PRKG1: variants seen among roughly 807,000 people sequenced by gnomAD.
PRKG1 encodes cGMP-dependent protein kinase 1.
PRKG1 carries 35 observed loss-of-function variants against 88.1 expected under a neutral mutation model. The ratio of observed to expected loss-of-function variants is 0.40; its 90% CI spans 0.30 to 0.53. PRKG1 has a LOEUF of 0.53. Among genes scored for constraint, PRKG1 ranks in the 20% least tolerant of loss-of-function variants. The pLI, the probability that PRKG1 is intolerant of heterozygous loss-of-function variation, is 0.59. For missense variants in PRKG1, 540 were observed against 839.8 expected (o/e 0.64, Z 4.41); for synonymous variants, 303 against 292.5 (o/e 1.04, Z -0.37).
At chr10:51,430,848 A>G (rs558491001) in intron 2 of PRKG1, among the ~76,000 whole-genome samples, 18 of 152,314 alleles carry the variant, frequency 1.2e-4, no homozygotes, top group African/African-American at 4.3e-4. Context: ...AAAAGATTAC[A>G]TATTATATAA....
chr10:51,092,123 C>A (rs181080662), intron 1 of PRKG1, among the ~76,000 whole-genome samples: 3 of 152,170 alleles, frequency 2.0e-5, no homozygotes, highest in Middle Eastern at 6.8e-3. Context: ...AAGCACTGAT[C>A]CCTGAGGTGA....
chr10:52,071,495 C>T (rs772709216), intron 7 of PRKG1, among the ~76,000 whole-genome samples: 1 of 152,140 alleles, frequency 6.6e-6, no homozygotes, highest in Non-Finnish European at 1.5e-5. Context: ...TACATTGTTT[C>T]TTATATCATC....
intron 4 of PRKG1, among the ~76,000 whole-genome samples, chr10:51,881,864 C>G (rs1841446958): frequency 1.3e-5 from 2 of 152,146 alleles, no homozygotes; most frequent in Admixed American, 1.3e-4. Context: ...TGATACTCTT[C>G]TTAAGTTAGA....
chr10:51,489,556 A>T (rs1177351073), intron 3 of PRKG1, among the ~76,000 whole-genome samples: 3 of 152,210 alleles, frequency 2.0e-5, no homozygotes, highest in Non-Finnish European at 2.9e-5. Flanking sequence ...TCTGATCCAC[A>T]CTAAAGTTGG....
intron 7 of PRKG1, among the ~76,000 whole-genome samples, chr10:52,126,701 G>T (rs1847939138): frequency 6.6e-6 from 1 of 152,096 alleles, no homozygotes; most frequent in Non-Finnish European, 1.5e-5. Context: ...AAATGCTACT[G>T]AAGGATAATG....
chr10:51,720,045 G>T (rs1415058021), intron 3 of PRKG1, among the ~76,000 whole-genome samples: 1 of 152,162 alleles, frequency 6.6e-6, no homozygotes, highest in Admixed American at 6.5e-5. Context: ...TTTGGGGATT[G>T]GCTGAATGGA....
chr10:51,934,254 ACC>A (rs58734959), intron 5 of PRKG1, among the ~76,000 whole-genome samples: 7 of 143,920 alleles, frequency 4.9e-5, no homozygotes, highest in Admixed American at 2.1e-4. Context: ...ACACACACAT[ACC>A]CCCCCCCCAA....
At chr10:51,988,304 C>A (rs930843683) in intron 5 of PRKG1, among the ~76,000 whole-genome samples, 2 of 152,000 alleles carry the variant, frequency 1.3e-5, no homozygotes, top group African/African-American at 4.8e-5. Context: ...TAACTTGATG[C>A]AACACATTAG....
At chr10:51,649,109 G>A (rs983879805) in intron 3 of PRKG1, among the ~76,000 whole-genome samples, 2 of 152,110 alleles carry the variant, frequency 1.3e-5, no homozygotes, top group Admixed American at 6.6e-5. Flanking sequence ...TCAGTTCTGC[G>A]TTTTTGGCGC....
intron 5 of PRKG1, among the ~76,000 whole-genome samples, chr10:52,050,270 T>C (rs546580423): frequency 6.6e-6 from 1 of 152,188 alleles, no homozygotes; most frequent in East Asian, 1.9e-4. Flanking sequence ...TTGGATACTA[T>C]GGCATTGAGC....
intron 2 of PRKG1, among the ~76,000 whole-genome samples, chr10:51,162,607 T>A (rs1050806037): frequency 6.6e-6 from 1 of 152,212 alleles, no homozygotes; most frequent in Non-Finnish European, 1.5e-5. Flanking sequence ...TAGAATCTTT[T>A]ATTTGTCTAA....
chr10:52,073,961 A>T (rs1387898113), intron 7 of PRKG1, among the ~76,000 whole-genome samples: 1 of 152,176 alleles, frequency 6.6e-6, no homozygotes, highest in Non-Finnish European at 1.5e-5. Flanking sequence ...TAATAAACAA[A>T]ATTTGAATCC....
chr10:51,735,185 T>C (rs1389806773), intron 3 of PRKG1, among the ~76,000 whole-genome samples: 1 of 152,222 alleles, frequency 6.6e-6, no homozygotes, highest in Admixed American at 6.5e-5. Context: ...TAGCTATCTT[T>C]ATGTATTGTT....
At chr10:52,091,560 CAT>C (rs1271865830) in intron 7 of PRKG1, among the ~76,000 whole-genome samples, 4 of 152,188 alleles carry the variant, frequency 2.6e-5, no homozygotes, top group Non-Finnish European at 5.9e-5. Context: ...TTGTTCCTAA[CAT>C]GTGGACAAAT....
chr10:51,197,157 A>C (rs916547972), intron 2 of PRKG1, among the ~76,000 whole-genome samples: 1 of 152,192 alleles, frequency 6.6e-6, no homozygotes, highest in Admixed American at 6.6e-5. Context: ...AATAGCTGTA[A>C]TTGAAAATTG....
At chr10:51,505,888 T>C (rs2132050508) in intron 3 of PRKG1, among the ~76,000 whole-genome samples, 1 of 152,262 alleles carries the variant, frequency 6.6e-6, no homozygotes, top group Admixed American at 6.5e-5. Context: ...TTGCTAGCGG[T>C]CTATCAATTT....
intron 2 of PRKG1, among the ~76,000 whole-genome samples, chr10:51,230,893 G>T (rs1482955387): frequency 6.6e-6 from 1 of 152,086 alleles, no homozygotes; most frequent in Non-Finnish European, 1.5e-5. Flanking sequence ...GAATGTGGAG[G>T]GCTGGTTGTA....
At chr10:51,534,091 A>C (rs1168621522) in intron 3 of PRKG1, among the ~76,000 whole-genome samples, 1 of 152,214 alleles carries the variant, frequency 6.6e-6, no homozygotes, top group Non-Finnish European at 1.5e-5. Context: ...GAAAGAAAAG[A>C]GAAGGCAGAA....
At chr10:51,698,241 C>T in intron 3 of PRKG1, 1 of 1,614,156 alleles carries the variant, frequency 6.2e-7, no homozygotes, top group Non-Finnish European at 8.5e-7. Flanking sequence ...GTCTCCATTC[C>T]TCTCCTCTCC....
Sources: allele counts gnomAD v4.1 joint callset (sites outside exome capture counted in the v4.1 genomes callset), GRCh38; gene constraint gnomAD v4.1.1; transcripts MANE v1.5; gene names NCBI Gene and HGNC (gene_info 2026-07-23, HGNC 2026-07-21).